The following TTK variants were observed in gnomAD, a reference collection of about 807,000 sequenced individuals.
The protein encoded by TTK is TTK protein kinase.
Under a neutral mutation model 117.3 loss-of-function variants are expected in TTK, and 59 were observed. That is an observed-to-expected ratio of 0.50 (90% confidence interval 0.41 to 0.62). The LOEUF (loss-of-function observed/expected upper bound fraction) is 0.62. Ranked by LOEUF, TTK falls within the 20% of genes least tolerant of loss-of-function variation. The pLI, the probability that TTK is intolerant of heterozygous loss-of-function variation, is 0.00. For synonymous variants in TTK, 302 were observed against 325.0 expected (o/e 0.93, Z 0.76); for missense variants, 921 against 989.4 (o/e 0.93, Z 0.93).
chr6:80,034,838 A>T, intron 14 of TTK, 147 bp from the exon 15 acceptor site: 1 of 591,522 alleles, frequency 1.7e-6, no homozygotes, highest in Non-Finnish European at 2.6e-6. Context: ...TCTTCCTTCT[A>T]CACTCAAAAT....
rs767449958 is a variant in TTK, at chr6:80,010,916, A to T, written c.572A>T (p.Lys191Ile). ...EIALRNLNLQ[K>I]KQLLSEEEKK... ...GCCCTGCGGAATTTAAACCTCCAAA[A>T]AAAGCAGCTGCTTTCAGAGGAGGAA... Residue 191 changes from lysine (K) to isoleucine (I), a missense_variant, in exon 5 of 22, where the codon AAA becomes ATA. Transcript: ENST00000369798. The T allele has an allele frequency of 6.2e-7, 1 of 1,612,434 alleles. No homozygotes were observed. Among genetic ancestry groups the T allele is most frequent in the Non-Finnish European group, 8.5e-7 (1 of 1,178,720 alleles).
chr6:80,035,480 A>T, intron 16 of TTK, 63 bp downstream of exon 16: 1 of 1,458,186 alleles, frequency 6.9e-7, no homozygotes, highest in Non-Finnish European at 9.1e-7. Flanking sequence ...CATCTTAGAG[A>T]AATATACCTA....
Position 80,026,492 on chromosome 6 carries a change from A to G in TTK, c.1372A>G (p.Thr458Ala), listed in dbSNP as rs370218926. 1 of 1,613,780 alleles carries G rather than the reference A, an allele frequency of 6.2e-7. No individual in the cohort carries two copies. Among genetic ancestry groups the G allele is most frequent in the Non-Finnish European group, 8.5e-7 (1 of 1,179,848 alleles). ...KSICKTPSSN[T>A]LDDYMSCFRT... The stretch of plus-strand genomic sequence containing the variant: ...TATTTGTAAGACACCAAGCAGCAAT[A>G]CCTTGGATGATTACATGAGCTGGTA... Residue 458 changes from threonine to alanine, a missense_variant, in exon 12 of 22, where the codon ACC becomes GCC. Physicochemically the swap from Thr to Ala is moderately conservative, Grantham distance 58. Transcript: ENST00000369798.
chr6:80,031,131 TAGAAA>T (rs1406706410), intron 13 of TTK, among the ~76,000 whole-genome samples: 2 of 150,352 alleles, frequency 1.3e-5, no homozygotes, highest in African/African-American at 2.4e-5. Context: ...GGAAAAAGAA[TAGAAA>T]AGAAAAATGA....
chr6:80,015,077 A>T (rs556578127), intron 10 of TTK, among the ~76,000 whole-genome samples: 1 of 152,328 alleles, frequency 6.6e-6, no homozygotes, highest in South Asian at 2.1e-4. Context: ...CATAAATGAA[A>T]TGCTATGAGA....
Position 80,008,461 on chromosome 6 carries a change from T to C in TTK, c.438T>C (p.His146=). 1 of 1,612,230 alleles carries C rather than the reference T, an allele frequency of 6.2e-7. No homozygotes were observed. Among genetic ancestry groups the C allele is most frequent in the Middle Eastern group, 1.7e-4 (1 of 6,052 alleles). The part of the protein sequence containing the change: ...RANCKKFAFV[H]ISFAQFELSQ... ...ACTGCAAGAAATTTGCTTTTGTTCA[T>C]ATATCTTTTGCACAATTTGAACTGT... Residue 146 remains histidine (H), a synonymous_variant, in exon 4 of 22, where the codon CAT becomes CAC. Transcript: ENST00000369798.
chr6:80,025,477 T>C (rs974469713), intron 11 of TTK, among the ~76,000 whole-genome samples: 9 of 152,236 alleles, frequency 5.9e-5, no homozygotes, highest in African/African-American at 2.2e-4. Flanking sequence ...TAACTAAAGC[T>C]GTCCTGAAAT....
At chr6:80,035,991 G>C (rs1347393419) in intron 16 of TTK, among the ~76,000 whole-genome samples, 1 of 151,936 alleles carries the variant, frequency 6.6e-6, no homozygotes, top group Non-Finnish European at 1.5e-5. Flanking sequence ...TATCTTAAAA[G>C]ATAATTCACC....
intron 18 of TTK, among the ~76,000 whole-genome samples, chr6:80,038,354 G>T (rs1767962314): frequency 1.3e-5 from 2 of 151,984 alleles, no homozygotes; most frequent in Non-Finnish European, 2.9e-5. Context: ...CCCTTTGTCC[G>T]GGGCTCCTTT....
intron 17 of TTK, among the ~76,000 whole-genome samples, chr6:80,037,172 G>C (rs527403968): frequency 6.6e-6 from 1 of 152,172 alleles, no homozygotes; most frequent in South Asian, 2.1e-4. Flanking sequence ...TTCTTGCTTG[G>C]AACCAAGATG....
chr6:80,021,139 C>T (rs1449420809), intron 10 of TTK, among the ~76,000 whole-genome samples: 1 of 152,188 alleles, frequency 6.6e-6, no homozygotes, highest in East Asian at 1.9e-4. Flanking sequence ...TTCTGTTGAC[C>T]TCCAAGATGC....
intron 2 of TTK, among the ~76,000 whole-genome samples, chr6:80,006,447 T>G (rs967673385): frequency 7.2e-5 from 11 of 152,152 alleles, no homozygotes; most frequent in African/African-American, 2.7e-4. Context: ...AATGATAGTT[T>G]TAGTGTTAAG....
At chr6:80,036,433 G>A (rs1767907626) in intron 16 of TTK, 42 bp from the exon 17 acceptor site, 3 of 1,558,062 alleles carry the variant, frequency 1.9e-6, no homozygotes, top group Admixed American at 3.8e-5. Flanking sequence ...TCCTTAGAAT[G>A]TTTTGCATTG....
intron 11 of TTK, among the ~76,000 whole-genome samples, chr6:80,023,451 G>A (rs1015755002): frequency 6.6e-6 from 1 of 152,072 alleles, no homozygotes; most frequent in African/African-American, 2.4e-5. Context: ...AAATTAGCCG[G>A]GTGTGGTGGT....
chr6:80,020,083 T>C (rs187358128), intron 10 of TTK, among the ~76,000 whole-genome samples: 9 of 152,288 alleles, frequency 5.9e-5, no homozygotes, highest in African/African-American at 2.2e-4. Flanking sequence ...CATGTATACA[T>C]ACAGGCACAA....
At chr6:80,012,081 A>G (rs1767175832) in intron 8 of TTK, 101 bp downstream of exon 8, 7 of 888,462 alleles carry the variant, frequency 7.9e-6, no homozygotes, top group Non-Finnish European at 9.8e-6. Flanking sequence ...TTATGATTAA[A>G]TTTTTATTCA....
At position 80,040,287 on chromosome 6, in the gene TTK, C is replaced by G; in HGVS notation, c.2392+7C>G. 8 of 1,567,798 alleles carry G rather than the reference C, an allele frequency of 5.1e-6. No homozygotes were observed. Among genetic ancestry groups the G allele is most frequent in the Non-Finnish European group, 6.9e-6 (8 of 1,160,862 alleles). ...CAAATTCAAACTCATCCAGGTACTA[C>G]TTCTTTAAAAATTTGTTTATTACTA... On this transcript the variant is annotated splice_region_variant and intron_variant, in intron 20 of 21. Coordinates refer to ENST00000369798, the MANE Select transcript of TTK (RefSeq NM_003318.5).
intron 21 of TTK, 39 bp from the exon 22 acceptor site, chr6:80,042,080 T>C: frequency 7.1e-7 from 1 of 1,418,038 alleles, no homozygotes; most frequent in Non-Finnish European, 9.6e-7. Context: ...TACATTTAAC[T>C]AAAAAATTGC....
At position 80,038,116 on chromosome 6, in the gene TTK, C is replaced by G. The variant is rs373022357; in HGVS notation, c.2130+69C>G. On this transcript the variant is annotated intron_variant, in intron 18 of 21. Coordinates refer to ENST00000369798, the MANE Select transcript of TTK (RefSeq NM_003318.5). ...GGGAATGCACTATTTTCTGAATAAA[C>G]TTACCAGATAACAATTTCTTTAAGT... 762 of 1,119,616 alleles carry G rather than the reference C, an allele frequency of 6.8e-4. 9 individuals carry two copies. In the South Asian group the frequency reaches 0.012, roughly 17 times the overall value. 69.4% of individuals were successfully genotyped at this position (1,119,616 alleles called of 1,614,324 possible). A position where few individuals can be genotyped will look rare whatever the true frequency, so the allele number is the denominator to read the frequency against.
Sources: gnomAD v4.1 joint callset for allele counts (sites outside exome capture counted in the v4.1 genomes callset) on GRCh38, gnomAD v4.1.1 for gene constraint, MANE v1.5 for transcripts, NCBI Gene and HGNC (gene_info 2026-07-23, HGNC 2026-07-21) for gene names.